The following NR2E1 variants were observed in gnomAD, a reference collection of about 807,000 sequenced individuals.
NR2E1 encodes the protein nuclear receptor TLX.
NR2E1 carries 5 observed loss-of-function variants against 43.6 expected under a neutral mutation model. The observed-to-expected ratio is 0.11, with a 90% CI of 0.06 to 0.24. The LOEUF (loss-of-function observed/expected upper bound fraction) is 0.24. NR2E1 is among the 10% of genes least tolerant of loss of function. The pLI, the probability that NR2E1 is intolerant of heterozygous loss-of-function variation, is 1.00. For synonymous variants in NR2E1, 191 were observed against 195.5 expected, an observed-to-expected ratio of 0.98 and a Z score of 0.19; for missense variants, 287 against 496.7, an observed-to-expected ratio of 0.58 and a Z score of 4.01.
intron 2 of NR2E1, among the ~76,000 whole-genome samples, chr6:108,174,225 T>C (rs1227794602): frequency 2.0e-5 from 3 of 152,166 alleles, no homozygotes; most frequent in Admixed American, 6.5e-5. Context: ...GATAATAAGG[T>C]TGGCTTCATA....
In NR2E1 at chr6:108,166,517, G is replaced by A; in HGVS notation, c.-249G>A. The A allele has an allele frequency of 2.0e-6, 1 of 490,356 alleles. No individual in the cohort carries two copies. 30.4% of individuals were successfully genotyped at this position (490,356 alleles called of 1,614,324 possible). ...CTGTCCATGTGTGTGTCCATATCAAGCAGCATTCCCAGCAGCTGCGGTTTT... is the reference window on the plus strand; with the variant it reads ...CTGTCCATGTGTGTGTCCATATCAAACAGCATTCCCAGCAGCTGCGGTTTT... On this transcript the variant is annotated 5_prime_UTR_variant, in exon 1 of 9. Coordinates refer to ENST00000368986, the MANE Select transcript of NR2E1 (RefSeq NM_003269.5). The surrounding 1 kb of genome is among the most constrained non-coding windows in gnomAD (Gnocchi z 7.2).
intron 3 of NR2E1, 45 bp from the exon 4 acceptor site, chr6:108,176,458 G>C (rs1322540695): frequency 2.5e-6 from 4 of 1,585,962 alleles, no homozygotes; most frequent in South Asian, 2.2e-5. Context: ...GCTGTGTCTC[G>C]ACGTCTCTAA....
chr6:108,167,684 G>C (rs1166906349), intron 1 of NR2E1, among the ~76,000 whole-genome samples: 4 of 152,162 alleles, frequency 2.6e-5, no homozygotes, highest in African/African-American at 7.2e-5. Context: ...ACGGCTGCGG[G>C]CTCCAGGGTC....
At chr6:108,183,981 T>C (rs1017360807) in intron 8 of NR2E1, among the ~76,000 whole-genome samples, 1 of 152,086 alleles carries the variant, frequency 6.6e-6, no homozygotes, top group Admixed American at 6.6e-5. Flanking sequence ...TTACCTGAGG[T>C]CAGGAGTTCA....
chr6:108,167,959 G>GC (rs1358551856), intron 1 of NR2E1: 1 of 1,502,038 alleles, frequency 6.7e-7, no homozygotes, highest in Non-Finnish European at 8.9e-7. Flanking sequence ...TTTTCATTTT[G>GC]TTTTGCTTTG....
In NR2E1 at chr6:108,176,751, G is replaced by A; in HGVS notation, c.495+13G>A. 1.9e-6 allele frequency: 3 copies of A among 1,547,848 alleles called. No homozygotes were observed. ...GCCCACGCCCAAGGTCAGCGGCCTT[G>A]CTGGGCCCAAAGAGACTCGTGCCAG... On this transcript the variant is annotated intron_variant, in intron 4 of 8. Coordinates refer to ENST00000368986, the MANE Select transcript of NR2E1 (RefSeq NM_003269.5).
In NR2E1 at chr6:108,166,173, G is replaced by T. The variant is rs1348618264; in HGVS notation, c.-593G>T. Reference sequence around the variant, plus strand: ...TCTCCCCGGAAACCCGGACCTGGCCGCCTCTTCCCTCGGAAGATTTCCCAG... The same window carrying T: ...TCTCCCCGGAAACCCGGACCTGGCCTCCTCTTCCCTCGGAAGATTTCCCAG... On this transcript the variant is annotated 5_prime_UTR_variant, in exon 1 of 9. Transcript: ENST00000368986. The surrounding 1 kb of genome is among the most constrained non-coding windows in gnomAD (Gnocchi z 7.2). 2 of 152,758 alleles carry T rather than the reference G, an allele frequency of 1.3e-5. No homozygotes were observed. Among genetic ancestry groups the T allele is most frequent in the African/African-American group, 4.8e-5 (2 of 41,472 alleles). The allele number at this position is 152,758 out of a possible 1,614,324, so 9.5% of individuals were successfully genotyped here.
At position 108,188,537 on chromosome 6, in the gene NR2E1, A is replaced by ACAC. The variant is rs1266046808; in HGVS notation, c.*1075_*1077dup. 6.5e-6 allele frequency: 1 copy of ACAC among 152,888 alleles called. No individual in the cohort carries two copies. The highest frequency in any genetic ancestry group is 1.5e-5 in the Non-Finnish European group (1 of 68,870). The allele number at this position is 152,888 out of a possible 1,614,324, so 9.5% of individuals were successfully genotyped here. On this transcript the variant is annotated 3_prime_UTR_variant, in exon 9 of 9. Transcript: ENST00000368986. ...CACACACACACACACACACACACAC[A>ACAC]CACACACACACACACCGTCCTACAC...
Position 108,176,590 on chromosome 6 carries a change from C to A in NR2E1, c.347C>A (p.Ala116Asp), listed in dbSNP as rs141827562. 4 of 1,612,848 alleles carry A rather than the reference C, an allele frequency of 2.5e-6. No individual in the cohort carries two copies. The highest frequency in any genetic ancestry group is 3.4e-6 in the Non-Finnish European group (4 of 1,179,928). The change falls in exon 4 of 9, where the codon GCC becomes GAC. Residue 116 changes from alanine to aspartate, a missense_variant. Transcript: ENST00000368986. ...CGTGGACACAAGGAGGAGAACGGGGCCGCCGCGCACTTTCCCTCGGCGGCG... is the reference window on the plus strand; with the variant it reads ...CGTGGACACAAGGAGGAGAACGGGGACGCCGCGCACTTTCCCTCGGCGGCG... ...YFRGHKEENG[A>D]AAHFPSAALP...
At chr6:108,172,499 T>C (rs1371660193) in intron 2 of NR2E1, among the ~76,000 whole-genome samples, 1 of 152,168 alleles carries the variant, frequency 6.6e-6, no homozygotes, top group African/African-American at 2.4e-5. Flanking sequence ...ATAGGCTGAT[T>C]TTAACTAAGG....
intron 8 of NR2E1, among the ~76,000 whole-genome samples, chr6:108,181,854 T>A (rs1773995857): frequency 6.6e-6 from 1 of 152,218 alleles, no homozygotes; most frequent in African/African-American, 2.4e-5. Context: ...GTGAAAGCAC[T>A]GCCAGACATA....
chr6:108,179,437 A>T (rs217529), intron 5 of NR2E1: 89,705 of 151,398 alleles, frequency 0.59, 27,149 homozygotes, highest in African/African-American at 0.71. Context: ...TGAGATTTTT[A>T]AAGGTAGTTA....
chr6:108,171,371 TC>T, intron 1 of NR2E1, 86 bp from the exon 2 acceptor site: 2 of 1,412,072 alleles, frequency 1.4e-6, no homozygotes, highest in Non-Finnish European at 1.0e-6. Flanking sequence ...TTAGCATCTC[TC>T]TCTCCCTCTC....
rs192223511 is a variant in NR2E1, at chr6:108,182,499, C to T, written c.995+848C>T. ...GAACTCATGGGCTCATGTGATCCTC[C>T]CACCTCAGCCTATTGAGTAGCTGAG... On this transcript the variant is annotated intron_variant, in intron 8 of 8. Transcript: ENST00000368986. 2.8e-3 allele frequency among the ~76,000 whole-genome samples: 431 copies of T among 152,018 alleles called. 1 individual carries two copies. Among genetic ancestry groups the T allele is most frequent in the Non-Finnish European group, 4.1e-3 (282 of 68,000 alleles).
chr6:108,172,385 CA>C (rs1158737885), intron 2 of NR2E1, among the ~76,000 whole-genome samples: 4 of 152,198 alleles, frequency 2.6e-5, no homozygotes, highest in Admixed American at 1.3e-4. Context: ...CTTGAGTAGG[CA>C]GAACTGTCTC....
intron 2 of NR2E1, among the ~76,000 whole-genome samples, chr6:108,173,603 A>G (rs1773846710): frequency 6.6e-6 from 1 of 152,212 alleles, no homozygotes; most frequent in Non-Finnish European, 1.5e-5. Flanking sequence ...AAAGGGCTTC[A>G]GGGGGAAGAA....
intron 4 of NR2E1, 50 bp downstream of exon 4, chr6:108,176,788 G>A (rs1232920176): frequency 6.7e-7 from 1 of 1,495,088 alleles, no homozygotes; most frequent in Non-Finnish European, 9.0e-7. Context: ...GAATGGAGAG[G>A]GACGCACCCA....
At position 108,176,641 on chromosome 6, in the gene NR2E1, C is replaced by G; in HGVS notation, c.398C>G (p.Ala133Gly). The change falls in exon 4 of 9, where the codon GCG becomes GGG. Residue 133 changes from alanine (A) to glycine (G), a missense_variant. Around this residue, in one of 4 missense-constraint regions of NR2E1, gnomAD observed 119 missense variants for 155.7 expected, o/e 0.76. Transcript: ENST00000368986. ...CTCCCTGCGCCGGCCTTCTTCACCG[C>G]GGTCACGCAGCTGGAGCCGCACGGC... is the stretch of plus-strand genomic sequence containing the variant. The part of the protein sequence containing the change: ...AALPAPAFFT[A>G]VTQLEPHGLE... 6.2e-7 allele frequency: 1 copy of G among 1,609,436 alleles called. No individual in the cohort carries two copies. Among genetic ancestry groups the G allele is most frequent in the Non-Finnish European group, 8.5e-7 (1 of 1,179,178 alleles).
rs1384046291 is a variant in NR2E1, at chr6:108,176,648, G to T, written c.405G>T (p.Thr135=). ...LPAPAFFTAV[T]QLEPHGLELA... ...CGCCGGCCTTCTTCACCGCGGTCAC[G>T]CAGCTGGAGCCGCACGGCCTGGAGC... The change falls in exon 4 of 9, where the codon ACG becomes ACT. Residue 135 remains threonine, a synonymous_variant. Coordinates refer to ENST00000368986, the MANE Select transcript of NR2E1 (RefSeq NM_003269.5). 1 of 1,608,046 alleles carries T rather than the reference G, an allele frequency of 6.2e-7. No homozygotes were observed. Among genetic ancestry groups the T allele is most frequent in the Non-Finnish European group, 8.5e-7 (1 of 1,178,848 alleles).
Sources: allele counts gnomAD v4.1 joint callset (sites outside exome capture counted in the v4.1 genomes callset), GRCh38; gene constraint gnomAD v4.1.1; regional missense constraint gnomAD v4.1.1; non-coding constraint Gnocchi (gnomAD v3.1); transcripts MANE v1.5; gene names NCBI Gene and HGNC (gene_info 2026-07-23, HGNC 2026-07-21).